The following SYT16 variants were observed in gnomAD, a reference collection of about 807,000 sequenced individuals.
SYT16 encodes synaptotagmin 16.
Under a neutral mutation model 61.4 loss-of-function variants are expected in SYT16, and 42 were observed. That is an observed-to-expected ratio of 0.68 (90% CI 0.53 to 0.89). The LOEUF is 0.89. SYT16 is among the 40% of genes least tolerant of loss of function. The pLI, the probability that SYT16 is intolerant of heterozygous loss-of-function variation, is 0.00. For synonymous variants in SYT16, 314 were observed against 302.3 expected (o/e 1.04, Z -0.40); for missense variants, 804 against 807.3 (o/e 1.00, Z 0.05).
Position 62,043,306 on chromosome 14 carries a change from G to C in SYT16, c.524-26297G>C, listed in dbSNP as rs191020726. Among the ~76,000 whole-genome samples the C allele has an allele frequency of 3.2e-3, 489 of 151,622 alleles. 2 individuals carry two copies. Among genetic ancestry groups the C allele is most frequent in the African/African-American group, 0.011 (460 of 41,370 alleles). The stretch of plus-strand genomic sequence containing the variant: ...AGTTTCGCTATCGACTGTGATGCTT[G>C]ATAGATTTTCTGTCTCAGGTTGAGA... On this transcript the variant is annotated intron_variant, in intron 3 of 7. Transcript: ENST00000683842.
At chr14:62,090,852 G>T (rs1045865943) in intron 7 of SYT16, among the ~76,000 whole-genome samples, 2 of 152,160 alleles carry the variant, frequency 1.3e-5, no homozygotes, top group Non-Finnish European at 2.9e-5. Context: ...CAATCATGAA[G>T]GAAGGCAAAA....
intron 3 of SYT16, among the ~76,000 whole-genome samples, chr14:62,019,806 A>T (rs7142213): frequency 1.5e-3 from 231 of 151,550 alleles, no homozygotes; most frequent in Middle Eastern, 0.01. Context: ...GCGGGCACTG[A>T]CCGCTTTTCC....
intron 7 of SYT16, among the ~76,000 whole-genome samples, chr14:62,086,556 A>C (rs1335857433): frequency 6.6e-6 from 1 of 152,208 alleles, no homozygotes; most frequent in Admixed American, 6.5e-5. Flanking sequence ...CAGTTTCCTC[A>C]TCTATAAAAA....
chr14:61,911,183 T>G (rs2048919794), intron 1 of SYT16, among the ~76,000 whole-genome samples: 1 of 152,176 alleles, frequency 6.6e-6, no homozygotes, highest in Non-Finnish European at 1.5e-5. Flanking sequence ...GGATTCCAAC[T>G]AGGTAACTAG....
At chr14:61,968,474 G>T (rs1373904793) in intron 1 of SYT16, among the ~76,000 whole-genome samples, 1 of 152,112 alleles carries the variant, frequency 6.6e-6, no homozygotes, top group Admixed American at 6.5e-5. Flanking sequence ...CAAAAAGCTA[G>T]AGAGAAGAGG....
At chr14:62,010,482 T>C (rs191298085) in intron 3 of SYT16, among the ~76,000 whole-genome samples, 1 of 152,148 alleles carries the variant, frequency 6.6e-6, no homozygotes, top group Non-Finnish European at 1.5e-5. Flanking sequence ...TAACTGGTCA[T>C]GCCCTGGGGT....
rs139707211 is a variant in SYT16 at position 61,869,306 on chromosome 14, TC to T, written c.-325+56497del. Among the ~76,000 whole-genome samples, 1,474 of 152,224 alleles carry T rather than the reference TC, an allele frequency of 9.7e-3. 24 individuals carry two copies. The highest frequency in any genetic ancestry group is 0.034 in the African/African-American group (1,410 of 41,570). ...AAACCTACCATTTTATTATTTGTTT[TC>T]TATTTGTCTTACCGTCTTTATTCTT... is the stretch of plus-strand genomic sequence containing the variant. On this transcript the variant is annotated intron_variant, in intron 1 of 7. Transcript: ENST00000683842.
chr14:61,990,129 T>C (rs1280126022), intron 2 of SYT16, among the ~76,000 whole-genome samples: 1 of 152,210 alleles, frequency 6.6e-6, no homozygotes, highest in Non-Finnish European at 1.5e-5. Context: ...TTGAATCATG[T>C]TAAAGATGAG....
intron 1 of SYT16, among the ~76,000 whole-genome samples, chr14:61,923,071 A>T (rs886258396): frequency 6.6e-6 from 1 of 151,786 alleles, no homozygotes; most frequent in Admixed American, 6.6e-5. Flanking sequence ...AAAAAAATGA[A>T]GTGGACCTAT....
intron 3 of SYT16, among the ~76,000 whole-genome samples, chr14:62,001,686 A>C (rs142701821): frequency 6.6e-6 from 1 of 151,992 alleles, no homozygotes; most frequent in African/African-American, 2.4e-5. Context: ...ATTCTACCCC[A>C]TTCTCTCTTG....
intron 7 of SYT16, among the ~76,000 whole-genome samples, chr14:62,093,104 A>G (rs1038650169): frequency 1.3e-5 from 2 of 152,090 alleles, no homozygotes; most frequent in African/African-American, 2.4e-5. Flanking sequence ...CTTCTGCTCA[A>G]TTTTGTTAAG....
At position 62,075,230 on chromosome 14, in the gene SYT16, G is replaced by A; in HGVS notation, c.832G>A (p.Gly278Arg). Residue 278 changes from glycine (G) to arginine (R), a missense_variant, in exon 5 of 8, where the codon GGG (glycine) becomes AGG (arginine). Physicochemically the swap from Gly to Arg is moderately radical, Grantham distance 125 (BLOSUM62 -2). Transcript: ENST00000683842. ...TCACTCACAGTCCCCATGTGAAAGA[G>A]GGGATGCCAAACACCACGGCACATC... is the stretch of plus-strand genomic sequence containing the variant. ...PAHSQSPCERGDAKHHGTSHQ... is the reference protein window; with the variant it reads ...PAHSQSPCERRDAKHHGTSHQ... The A allele has an allele frequency of 6.2e-7, 1 of 1,613,814 alleles. No individual in the cohort carries two copies. The highest frequency in any genetic ancestry group is 8.5e-7 in the Non-Finnish European group (1 of 1,179,786).
chr14:62,090,370 TAGC>T (rs1433976256), intron 7 of SYT16, among the ~76,000 whole-genome samples: 2 of 152,194 alleles, frequency 1.3e-5, no homozygotes, highest in East Asian at 3.9e-4. Context: ...GCACTCACAA[TAGC>T]AGAGACTAAA....
At chr14:61,996,899 A>G (rs866794215) in intron 3 of SYT16, among the ~76,000 whole-genome samples, 8 of 152,048 alleles carry the variant, frequency 5.3e-5, no homozygotes, top group African/African-American at 1.2e-4. Flanking sequence ...AGATGTTACT[A>G]TATTATTCAG....
At chr14:62,043,407 C>CTTTTTTT (rs1203186408) in intron 3 of SYT16, among the ~76,000 whole-genome samples, 1 of 122,556 alleles carries the variant, frequency 8.2e-6, no homozygotes, top group African/African-American at 3.1e-5. Context: ...ATTTTTCTTT[C>CTTTTTTT]TTTTTTTTTT....
At chr14:61,953,552 C>T (rs561374981) in intron 1 of SYT16, among the ~76,000 whole-genome samples, 22 of 152,182 alleles carry the variant, frequency 1.4e-4, no homozygotes, top group Non-Finnish European at 2.5e-4. Flanking sequence ...GCTGGTGACA[C>T]TGAAAGTGAC....
chr14:62,077,194 A>G (rs1566825899), intron 5 of SYT16, among the ~76,000 whole-genome samples: 1 of 152,260 alleles, frequency 6.6e-6, no homozygotes, highest in South Asian at 2.1e-4. Context: ...CACAGATGAC[A>G]TCAACACTAT....
chr14:61,867,288 T>A (rs2140298504), intron 1 of SYT16, among the ~76,000 whole-genome samples: 1 of 152,254 alleles, frequency 6.6e-6, no homozygotes, highest in Admixed American at 6.5e-5. Context: ...TGTGAATAAA[T>A]TCTTCCTGGA....
At chr14:62,037,218 T>C (rs2140832692) in intron 3 of SYT16, among the ~76,000 whole-genome samples, 1 of 152,222 alleles carries the variant, frequency 6.6e-6, no homozygotes, top group Non-Finnish European at 1.5e-5. Context: ...TTTGGCTTAG[T>C]TATGGCAGGA....
Sources: gnomAD v4.1 joint callset for allele counts (sites outside exome capture counted in the v4.1 genomes callset) on GRCh38, gnomAD v4.1.1 for gene constraint, MANE v1.5 for transcripts, NCBI Gene and HGNC (gene_info 2026-07-23, HGNC 2026-07-21) for gene names.